The following PCDHA4 variants were observed in gnomAD, a reference collection of about 807,000 sequenced individuals.
PCDHA4 encodes the protein protocadherin alpha 4.
PCDHA4 carries 49 observed loss-of-function variants against 61.4 expected under a neutral mutation model. The ratio of observed to expected loss-of-function variants is 0.80; its 90% CI spans 0.63 to 1.01. The LOEUF is 1.01. PCDHA4 is among the 50% of genes least tolerant of loss of function. PCDHA4 has a pLI of 0.00. For missense variants in PCDHA4, 1,254 were observed against 1,235.8 expected, an observed-to-expected ratio of 1.01 and a Z score of -0.22; for synonymous variants, 590 against 550.3, an observed-to-expected ratio of 1.07 and a Z score of -1.01.
chr5:140,884,440 G>C (rs1554181563), intron 1 of PCDHA4: 5 of 1,613,830 alleles, frequency 3.1e-6, no homozygotes, highest in Non-Finnish European at 2.5e-6. Context: ...TGCGGTGCTC[G>C]GCACCGCCCA....
At chr5:140,817,794 G>T (rs1031395082) in intron 1 of PCDHA4, among the ~76,000 whole-genome samples, 2 of 152,282 alleles carry the variant, frequency 1.3e-5, no homozygotes, top group East Asian at 3.9e-4. Context: ...TGCTGGTAAA[G>T]AAACCTTTAC....
rs1007708043 is a variant in PCDHA4 at position 140,967,271 on chromosome 5, A to G, written c.2386-11678A>G. 3.1e-6 allele frequency: 5 copies of G among 1,613,338 alleles called. No individual in the cohort carries two copies. The South Asian group carries it at 5.5e-5, about 18-fold the overall frequency. On this transcript the variant is annotated intron_variant, in intron 1 of 3. Transcript: ENST00000530339. The stretch of plus-strand genomic sequence containing the variant: ...GGTGGCGCCTGGAGCGCGCTTTCAC[A>G]TAGAGAGTGCGCAGGACCCCGACGT...
At chr5:140,877,311 G>A (rs200978234) in intron 1 of PCDHA4, 2 of 1,613,852 alleles carry the variant, frequency 1.2e-6, no homozygotes, top group Admixed American at 3.3e-5. Flanking sequence ...AGTTGCAACC[G>A]GCGGCGGTCG....
At chr5:140,913,092 C>T (rs1293188459) in intron 1 of PCDHA4, among the ~76,000 whole-genome samples, 1 of 152,134 alleles carries the variant, frequency 6.6e-6, no homozygotes, top group Non-Finnish European at 1.5e-5. Flanking sequence ...CAGGATAATA[C>T]TGGCCTCATA....
intron 3 of PCDHA4, among the ~76,000 whole-genome samples, chr5:141,007,112 G>A (rs1554261059): frequency 6.6e-6 from 1 of 152,170 alleles, no homozygotes; most frequent in African/African-American, 2.4e-5. Flanking sequence ...ACCCAAGGAA[G>A]CTTCAACACA....
chr5:140,876,269 C>T, intron 1 of PCDHA4: 2 of 1,614,036 alleles, frequency 1.2e-6, no homozygotes, highest in Non-Finnish European at 1.7e-6. Flanking sequence ...CAACTAAATG[C>T]TTCCGATCCA....
At position 141,010,104 on chromosome 5, in the gene PCDHA4, T is replaced by G; in HGVS notation, c.*167T>G. ...TGTCTAGAACGCATTTAACAGGTTTTGTCGTAAAAGCTTTACTAAGTCTGG... is the reference window on the plus strand; with the variant it reads ...TGTCTAGAACGCATTTAACAGGTTTGGTCGTAAAAGCTTTACTAAGTCTGG... On this transcript the variant is annotated 3_prime_UTR_variant, in exon 4 of 4. Coordinates refer to ENST00000530339, the MANE Select transcript of PCDHA4 (RefSeq NM_018907.4). 1 of 1,612,408 alleles carries G rather than the reference T, an allele frequency of 6.2e-7. No individual in the cohort carries two copies. Among genetic ancestry groups the G allele is most frequent in the Non-Finnish European group, 8.5e-7 (1 of 1,179,092 alleles).
chr5:140,978,440 T>C, intron 1 of PCDHA4, among the ~76,000 whole-genome samples: 1 of 152,244 alleles, frequency 6.6e-6, no homozygotes. Context: ...GCTGGTGTTA[T>C]GACTGGGCAC....
Position 140,938,896 on chromosome 5 carries a change from C to T in PCDHA4, c.2386-40053C>T, listed in dbSNP as rs188490743. 3.9e-5 allele frequency among the ~76,000 whole-genome samples: 6 copies of T among 152,036 alleles called. 1 individual carries two copies. The East Asian group carries it at 1.2e-3, about 29-fold the overall frequency. The stretch of plus-strand genomic sequence containing the variant: ...GAAGCAACACACACACACACAGATG[C>T]GCACACACACACACGCACAAGAAAT... On this transcript the variant is annotated intron_variant, in intron 1 of 3. Transcript: ENST00000530339.
chr5:140,863,469 G>A (rs2153224585), intron 1 of PCDHA4: 1 of 498,172 alleles, frequency 2.0e-6, no homozygotes, highest in Non-Finnish European at 4.0e-6. Context: ...TTACTCTGGA[G>A]AGTCGCCTCC....
intron 1 of PCDHA4, chr5:140,926,540 T>G: frequency 4.6e-6 from 1 of 215,362 alleles, no homozygotes; most frequent in Non-Finnish European, 9.1e-6. Context: ...GCCAGCGTGG[T>G]GGTCGAGACC....
chr5:140,863,422 G>T (rs782158453), intron 1 of PCDHA4: 6 of 689,158 alleles, frequency 8.7e-6, no homozygotes, highest in Middle Eastern at 5.8e-4. Flanking sequence ...GTACCGCAGC[G>T]TAGTGGGATC....
intron 1 of PCDHA4, chr5:140,852,024 C>T (rs1554145640): frequency 4.2e-6 from 4 of 949,416 alleles, no homozygotes; most frequent in East Asian, 1.1e-4. Flanking sequence ...TTAAAAACTT[C>T]GCTTATTGAG....
rs781991042 is a variant in PCDHA4, at chr5:140,968,933, A to G, written c.2386-10016A>G. ...AGTGTCTTTTATATTTCTTTTGACA[A>G]TCATCATTTTGAGCATCATCAAGTG... On this transcript the variant is annotated intron_variant, in intron 1 of 3. Transcript: ENST00000530339. 77 of 1,614,052 alleles carry G rather than the reference A, an allele frequency of 4.8e-5. No individual in the cohort carries two copies. Among genetic ancestry groups the G allele is most frequent in the Non-Finnish European group, 6.0e-5 (71 of 1,180,034 alleles).
At chr5:140,999,894 G>A (rs1260070986) in intron 3 of PCDHA4, among the ~76,000 whole-genome samples, 3 of 152,096 alleles carry the variant, frequency 2.0e-5, no homozygotes, top group African/African-American at 7.2e-5. Flanking sequence ...TGTAGCTTGG[G>A]ACACCAAACA....
At chr5:140,884,378 A>G (rs781954919) in intron 1 of PCDHA4, 3 of 1,613,952 alleles carry the variant, frequency 1.9e-6, no homozygotes, top group Non-Finnish European at 2.5e-6. Flanking sequence ...GATCATTGCC[A>G]TCTGCGCGGT....
intron 1 of PCDHA4, chr5:140,858,649 AT>A: frequency 1.2e-6 from 1 of 824,582 alleles, no homozygotes; most frequent in East Asian, 2.7e-5. Flanking sequence ...TGGTACTTAA[AT>A]TTTTTTAAAT....
At chr5:140,856,416 A>C in intron 1 of PCDHA4, 1 of 1,598,486 alleles carries the variant, frequency 6.3e-7, no homozygotes, top group South Asian at 1.1e-5. Context: ...GTGGAAGTGA[A>C]GGACATTAAC....
intron 1 of PCDHA4, chr5:140,877,567 T>C (rs1487907484): frequency 6.2e-7 from 1 of 1,613,664 alleles, no homozygotes; most frequent in East Asian, 2.2e-5. Context: ...TATTAACGTG[T>C]ACCTCATCAT....
Sources: gnomAD v4.1 joint callset for allele counts (sites outside exome capture counted in the v4.1 genomes callset) on GRCh38, gnomAD v4.1.1 for gene constraint, MANE v1.5 for transcripts, NCBI Gene and HGNC (gene_info 2026-07-23, HGNC 2026-07-21) for gene names.